The following SGPP2 variants were observed in gnomAD, a reference collection of about 807,000 sequenced individuals.
The protein encoded by SGPP2 is sphingosine-1-phosphate phosphatase 2.
In SGPP2, 30 loss-of-function variants were observed where a neutral mutation model predicts 33.9. The observed-to-expected ratio is 0.89, with a 90% CI of 0.66 to 1.20. SGPP2 has a LOEUF of 1.20. SGPP2 is among the 50% of genes most tolerant of loss of function. The probability of loss-of-function intolerance (pLI) is 0.00; values close to 1 mark genes in which losing one functional copy is unlikely to be tolerated. For missense variants in SGPP2, 458 were observed against 532.1 expected, an observed-to-expected ratio of 0.86 and a Z score of 1.37; for synonymous variants, 233 against 225.0, an observed-to-expected ratio of 1.04 and a Z score of -0.32.
intron 1 of SGPP2, among the ~76,000 whole-genome samples, chr2:222,467,496 A>G (rs1024481632): frequency 6.6e-6 from 1 of 152,142 alleles, no homozygotes; most frequent in Non-Finnish European, 1.5e-5. Context: ...AGATCAAGTC[A>G]TTTATGTGAA....
In SGPP2 at chr2:222,561,517, GAT is replaced by G. The variant is rs34718265; in HGVS notation, c.*2630_*2631del. ...GTGGGTGCTGGCCTCTCATATATATGATATATATATATCATTTTATATATATA... is the reference window on the plus strand; with the variant it reads ...GTGGGTGCTGGCCTCTCATATATATGATATATATATCATTTTATATATATA... On this transcript the variant is annotated 3_prime_UTR_variant, in exon 5 of 5. Transcript: ENST00000321276. Among the ~76,000 whole-genome samples the G allele has an allele frequency of 1.4e-5, 2 of 144,176 alleles. No individual in the cohort carries two copies. The highest frequency in any genetic ancestry group is 1.4e-4 in the Admixed American group (2 of 14,174). The allele number at this position is 144,176 out of a possible 152,430, so 94.6% of individuals were successfully genotyped here.
At chr2:222,474,818 T>A in intron 2 of SGPP2, 92 bp downstream of exon 2, 3 of 533,112 alleles carry the variant, frequency 5.6e-6, no homozygotes, top group Non-Finnish European at 7.7e-6. Context: ...TTCTTTCTTT[T>A]TTTTTTTTTT....
intron 2 of SGPP2, among the ~76,000 whole-genome samples, chr2:222,513,463 A>G (rs1012273445): frequency 3.3e-5 from 5 of 152,208 alleles, no homozygotes; most frequent in Admixed American, 3.3e-4. Flanking sequence ...TACCTGGTCC[A>G]TATGATTCAC....
intron 1 of SGPP2, chr2:222,453,219 C>T (rs1199903401): frequency 1.0e-5 from 8 of 772,102 alleles, no homozygotes; most frequent in Non-Finnish European, 1.9e-5. Flanking sequence ...CCACAAATGA[C>T]AGGCATAGGT....
At position 222,477,339 on chromosome 2, in the gene SGPP2, GTGTA is replaced by G. The variant is rs2106098983; in HGVS notation, c.378+2615_378+2618del. Among the ~76,000 whole-genome samples, 1 of 146,718 alleles carries G rather than the reference GTGTA, an allele frequency of 6.8e-6. No individual in the cohort carries two copies. Among genetic ancestry groups the G allele is most frequent in the African/African-American group, 2.5e-5 (1 of 39,274 alleles). ...AGTATATATGTGTGTCTATGTGTGT[GTGTA>G]TAGGTGTGTATATATGTGTATGTGT... is the stretch of plus-strand genomic sequence containing the variant. On this transcript the variant is annotated intron_variant, in intron 2 of 4. Transcript: ENST00000321276. This position sits in a 1 kb window ranked among gnomAD's most constrained non-coding sequence, Gnocchi z 6.0.
At chr2:222,458,623 A>G (rs1697608883) in intron 1 of SGPP2, among the ~76,000 whole-genome samples, 1 of 152,076 alleles carries the variant, frequency 6.6e-6, no homozygotes, top group Non-Finnish European at 1.5e-5. Flanking sequence ...GTGCTTTTAA[A>G]TTTTTTCAAG....
intron 2 of SGPP2, among the ~76,000 whole-genome samples, chr2:222,483,992 G>C (rs1156972744): frequency 1.3e-5 from 2 of 152,176 alleles, no homozygotes; most frequent in Non-Finnish European, 2.9e-5. Context: ...TCCCTCTGAA[G>C]TGGAATCTGT....
intron 1 of SGPP2, among the ~76,000 whole-genome samples, chr2:222,450,173 A>G (rs1488661932): frequency 6.6e-6 from 1 of 152,120 alleles, no homozygotes; most frequent in Non-Finnish European, 1.5e-5. Flanking sequence ...CGAAGAAAGC[A>G]CTCACTAACT....
intron 3 of SGPP2, among the ~76,000 whole-genome samples, chr2:222,522,805 A>G (rs1407515453): frequency 1.3e-5 from 2 of 152,182 alleles, no homozygotes; most frequent in Non-Finnish European, 2.9e-5. Context: ...CATCTTCACA[A>G]GTAGCTGAGA....
chr2:222,538,852 A>G (rs551406781), intron 4 of SGPP2, among the ~76,000 whole-genome samples: 1 of 152,246 alleles, frequency 6.6e-6, no homozygotes, highest in South Asian at 2.1e-4. Flanking sequence ...GTGCTAAACC[A>G]TTCATGAAGG....
chr2:222,493,792 T>C (rs1300511789), intron 2 of SGPP2, among the ~76,000 whole-genome samples: 1 of 152,232 alleles, frequency 6.6e-6, no homozygotes, highest in African/African-American at 2.4e-5. Flanking sequence ...CTAAAATTAA[T>C]GATCTCTTTG....
rs1486543353 is a variant in SGPP2 at position 222,476,822 on chromosome 2, G to A, written c.378+2096G>A. Among the ~76,000 whole-genome samples the A allele has an allele frequency of 3.3e-5, 5 of 151,728 alleles. No individual in the cohort carries two copies. Among genetic ancestry groups the A allele is most frequent in the Admixed American group, 2.0e-4 (3 of 15,238 alleles). ...TGTATATCCGTGCGTGTATATAGGT[G>A]TGTGTATATGTGTATGTGTGTATAT... is the stretch of plus-strand genomic sequence containing the variant. On this transcript the variant is annotated intron_variant, in intron 2 of 4. Coordinates refer to ENST00000321276, the MANE Select transcript of SGPP2 (RefSeq NM_152386.4). This position sits in a 1 kb window ranked among gnomAD's most constrained non-coding sequence, Gnocchi z 4.3.
chr2:222,477,179 GTGTA>G lies in SGPP2; in HGVS notation c.378+2457_378+2460del, dbSNP rs1417491636. 6.6e-6 allele frequency among the ~76,000 whole-genome samples: 1 copy of G among 151,356 alleles called. No homozygotes were observed. Among genetic ancestry groups the G allele is most frequent in the Admixed American group, 6.6e-5 (1 of 15,198 alleles). On this transcript the variant is annotated intron_variant, in intron 2 of 4. Coordinates refer to ENST00000321276, the MANE Select transcript of SGPP2 (RefSeq NM_152386.4). This position sits in a 1 kb window ranked among gnomAD's most constrained non-coding sequence, Gnocchi z 6.0. ...TGTGTGTGTATAGGTGTGTGTATAT[GTGTA>G]TGTGTGTATATATGTGTGTGCATAG...
intron 4 of SGPP2, among the ~76,000 whole-genome samples, chr2:222,552,644 T>G (rs1477740746): frequency 6.6e-6 from 1 of 152,154 alleles, no homozygotes; most frequent in Non-Finnish European, 1.5e-5. Context: ...GCGGATCACC[T>G]GAGGTTGGGA....
intron 1 of SGPP2, among the ~76,000 whole-genome samples, chr2:222,427,356 A>G (rs559151129): frequency 3.3e-4 from 50 of 152,084 alleles, no homozygotes; most frequent in African/African-American, 1.1e-3. Context: ...CACATCCTGG[A>G]CTCCTGCAGT....
chr2:222,509,360 C>CA (rs111719333), intron 2 of SGPP2, among the ~76,000 whole-genome samples: 28 of 150,138 alleles, frequency 1.9e-4, no homozygotes, highest in Admixed American at 3.3e-4. Flanking sequence ...TATGTATTAA[C>CA]AAAAAAAAAT....
In SGPP2 at chr2:222,424,780, G is replaced by A; in HGVS notation, c.178G>A (p.Glu60Lys). 1 of 1,398,796 alleles carries A rather than the reference G, an allele frequency of 7.1e-7. No individual in the cohort carries two copies. Among genetic ancestry groups the A allele is most frequent in the Non-Finnish European group, 9.3e-7 (1 of 1,077,982 alleles). 86.6% of individuals were successfully genotyped at this position (1,398,796 alleles called of 1,614,324 possible). A position where few individuals can be genotyped will look rare whatever the true frequency, so the allele number is the denominator to read the frequency against. ...HLPAANGKGG[E>K]APANGLRRAA... ...CCCCGCAGCCAACGGCAAGGGCGGC[G>A]AGGCTCCGGCCAACGGGCTGCGCAG... is the stretch of plus-strand genomic sequence containing the variant. The change falls in exon 1 of 5, where the codon GAG (glutamate) becomes AAG (lysine). Residue 60 changes from glutamate to lysine, a missense_variant. By Grantham distance (56) the Glu-to-Lys change is moderately conservative (BLOSUM62 1). Transcript: ENST00000321276.
Position 222,474,638 on chromosome 2 carries a change from G to C in SGPP2, c.290G>C (p.Gly97Ala). The stretch of plus-strand genomic sequence containing the variant: ...CTATTCCAATTTTCAGCTGCTTTGG[G>C]CCAAGAAGTGTTCTACATCACGTTT... ...YYLFQFSAAL[G>A]QEVFYITFLP... is the part of the protein sequence containing the mutation. The change falls in exon 2 of 5, where the codon GGC (glycine) becomes GCC (alanine). Residue 97 changes from glycine (G) to alanine (A), a missense_variant. By Grantham distance (60) the Gly-to-Ala change is moderately conservative. Coordinates refer to ENST00000321276, the MANE Select transcript of SGPP2 (RefSeq NM_152386.4). 6.2e-7 allele frequency: 1 copy of C among 1,613,864 alleles called. No homozygotes were observed. Among genetic ancestry groups the C allele is most frequent in the Admixed American group, 1.7e-5 (1 of 60,008 alleles).
At chr2:222,438,792 G>A (rs1219878038) in intron 1 of SGPP2, among the ~76,000 whole-genome samples, 3 of 152,182 alleles carry the variant, frequency 2.0e-5, no homozygotes, top group African/African-American at 7.2e-5. Context: ...GTCCATGATG[G>A]TGGCACTAAT....
Sources: gnomAD v4.1 joint callset for allele counts (sites outside exome capture counted in the v4.1 genomes callset) on GRCh38, gnomAD v4.1.1 for gene constraint, Gnocchi (gnomAD v3.1) non-coding constraint, MANE v1.5 for transcripts, NCBI Gene and HGNC (gene_info 2026-07-23, HGNC 2026-07-21) for gene names.